TMCO5A: variants seen among roughly 807,000 people sequenced by gnomAD.
The protein encoded by TMCO5A is transmembrane and coiled-coil domain-containing protein 5A.
In TMCO5A, 34 loss-of-function variants were observed where a neutral mutation model predicts 42.3. The observed-to-expected ratio is 0.80, with a 90% CI of 0.61 to 1.07. The LOEUF is 1.07. Among genes scored for constraint, TMCO5A ranks in the 50% least tolerant of loss-of-function variants. TMCO5A has a pLI of 0.00. For synonymous variants in TMCO5A, 131 were observed against 115.6 expected, an observed-to-expected ratio of 1.13 and a Z score of -0.86; for missense variants, 357 against 327.9, an observed-to-expected ratio of 1.09 and a Z score of -0.69.
At chr15:37,989,344 C>G in the TMCO5A span, among the ~76,000 whole-genome samples, 1 of 151,850 alleles carries the variant, frequency 6.6e-6, no homozygotes, top group African/African-American at 2.4e-5. Context: ...TTCCTGCTAG[C>G]TTTGGGTTCA....
chr15:38,029,361 A>C, the TMCO5A span, among the ~76,000 whole-genome samples: 124,199 of 150,342 alleles, frequency 0.83, 51,143 homozygotes, highest in East Asian at 0.95. Context: ...TGTGTGCATG[A>C]ATACACCACA....
At chr15:38,018,322 G>A in the TMCO5A span, among the ~76,000 whole-genome samples, 1 of 152,096 alleles carries the variant, frequency 6.6e-6, no homozygotes, top group Non-Finnish European at 1.5e-5. Context: ...GCAAGAAATA[G>A]GAGACAACTT....
chr15:37,992,078 G>T, the TMCO5A span, among the ~76,000 whole-genome samples: 1 of 152,052 alleles, frequency 6.6e-6, no homozygotes, highest in Non-Finnish European at 1.5e-5. Context: ...CAGAATGGGA[G>T]AAATTATTTG....
downstream of TMCO5A, among the ~76,000 whole-genome samples, chr15:37,951,927 G>T (rs2140289493): frequency 6.6e-6 from 1 of 152,168 alleles, no homozygotes; most frequent in Middle Eastern, 3.4e-3. Flanking sequence ...GTGTGGTGTG[G>T]AGAGCATTTC....
chr15:37,998,054 T>G, the TMCO5A span, among the ~76,000 whole-genome samples: 1 of 151,956 alleles, frequency 6.6e-6, no homozygotes, highest in African/African-American at 2.4e-5. Context: ...TTGTTAAAAT[T>G]TTTTCCTATA....
At chr15:38,027,386 C>T in the TMCO5A span, among the ~76,000 whole-genome samples, 1 of 152,158 alleles carries the variant, frequency 6.6e-6, no homozygotes, top group African/African-American at 2.4e-5. Context: ...GGCCCTGTAA[C>T]CCCTTTGTTT....
downstream of TMCO5A, among the ~76,000 whole-genome samples, chr15:37,954,824 G>A (rs571722558): frequency 4.6e-5 from 7 of 151,980 alleles, no homozygotes; most frequent in African/African-American, 1.7e-4. Flanking sequence ...AAGAAACAGA[G>A]CCTTTGATTT....
intron 6 of TMCO5A, among the ~76,000 whole-genome samples, chr15:37,939,302 AT>A (rs1422148330): frequency 6.6e-6 from 1 of 152,138 alleles, no homozygotes; most frequent in Admixed American, 6.6e-5. Context: ...TTTAGTTTTG[AT>A]GACCACAAAA....
chr15:37,992,360 G>A, the TMCO5A span, among the ~76,000 whole-genome samples: 21 of 152,280 alleles, frequency 1.4e-4, no homozygotes, highest in African/African-American at 5.1e-4. Flanking sequence ...AGATGCTGGA[G>A]AGGTTGCAAA....
the TMCO5A span, among the ~76,000 whole-genome samples, chr15:38,021,228 G>A: frequency 6.6e-6 from 1 of 152,198 alleles, no homozygotes; most frequent in Non-Finnish European, 1.5e-5. Context: ...TCTGTTTGCA[G>A]ATGATATGAT....
At chr15:38,010,484 A>G in the TMCO5A span, among the ~76,000 whole-genome samples, 1 of 148,358 alleles carries the variant, frequency 6.7e-6, no homozygotes, top group Non-Finnish European at 1.5e-5. Flanking sequence ...AGATGGGGGT[A>G]GACAGAGATT....
chr15:38,007,259 A>C, the TMCO5A span, among the ~76,000 whole-genome samples: 1 of 152,118 alleles, frequency 6.6e-6, no homozygotes, highest in Admixed American at 6.5e-5. Flanking sequence ...CCAGGTCTTT[A>C]TTTCTCCATT....
chr15:38,004,027 G>C, the TMCO5A span, among the ~76,000 whole-genome samples: 1 of 151,960 alleles, frequency 6.6e-6, no homozygotes, highest in Non-Finnish European at 1.5e-5. Flanking sequence ...CATGAAGCCA[G>C]CATGGCTCTG....
At chr15:38,031,200 G>A in the TMCO5A span, among the ~76,000 whole-genome samples, 230 of 152,222 alleles carry the variant, frequency 1.5e-3, no homozygotes, top group African/African-American at 5.2e-3. Context: ...GATGGACTCT[G>A]TTTAAAATCC....
chr15:38,027,482 A>T, the TMCO5A span, among the ~76,000 whole-genome samples: 1 of 152,278 alleles, frequency 6.6e-6, no homozygotes, highest in East Asian at 1.9e-4. Context: ...CTTGCTTTTG[A>T]CTTTACAAGC....
the TMCO5A span, among the ~76,000 whole-genome samples, chr15:38,008,321 G>A: frequency 2.8e-4 from 43 of 152,238 alleles, no homozygotes; most frequent in Non-Finnish European, 7.4e-5. Flanking sequence ...TAGAAATACC[G>A]ACCGTGGTAC....
the TMCO5A span, among the ~76,000 whole-genome samples, chr15:37,978,788 T>C: frequency 2.6e-5 from 4 of 151,494 alleles, no homozygotes. Context: ...AGGTAATTTA[T>C]AAAGAAAAGA....
At chr15:37,935,587 A>G (rs528043720) in intron 2 of TMCO5A, among the ~76,000 whole-genome samples, 1 of 152,278 alleles carries the variant, frequency 6.6e-6, no homozygotes, top group East Asian at 1.9e-4. Context: ...ATCAACTGAA[A>G]CACAAACCAA....
chr15:38,012,193 C>T, the TMCO5A span, among the ~76,000 whole-genome samples: 2 of 152,088 alleles, frequency 1.3e-5, no homozygotes, highest in African/African-American at 4.8e-5. Context: ...GATTTCCTTG[C>T]ATTTGGCACA....
Sources: gnomAD v4.1 joint callset for allele counts (sites outside exome capture counted in the v4.1 genomes callset) on GRCh38, gnomAD v4.1.1 for gene constraint, MANE v1.5 for transcripts, NCBI Gene and HGNC (gene_info 2026-07-23, HGNC 2026-07-21) for gene names.